ERICH1: variants seen among roughly 807,000 people sequenced by gnomAD.
ERICH1 encodes glutamate-rich protein 1.
A neutral mutation model predicts 39.6 loss-of-function variants in ERICH1; 56 were observed. The observed-to-expected ratio is 1.41, with a 90% CI of 1.14 to 1.77. The LOEUF (loss-of-function observed/expected upper bound fraction) is 1.77, where lower values mean the gene tolerates loss of function less well. Ranked by LOEUF, ERICH1 falls within the 40% of genes most tolerant of loss-of-function variation. The pLI is 0.00. For synonymous variants in ERICH1, 313 were observed against 223.6 expected (o/e 1.40, Z -3.57); for missense variants, 826 against 575.4 (o/e 1.44, Z -4.45).
intron 3 of ERICH1, among the ~76,000 whole-genome samples, chr8:643,940 G>A (rs1430193022): frequency 6.6e-6 from 1 of 152,268 alleles, no homozygotes; most frequent in Non-Finnish European, 1.5e-5. Context: ...GCTCCCAGCA[G>A]GATGCAGCCC....
rs1211671333 is a variant in ERICH1 at position 649,339 on chromosome 8, T to G, written c.976+19259A>C. 1.2e-4 allele frequency among the ~76,000 whole-genome samples: 2 copies of G among 16,934 alleles called. 1 individual carries two copies. The highest frequency in any genetic ancestry group is 6.5e-4 in the Non-Finnish European group (2 of 3,090). The allele number at this position is 16,934 out of a possible 152,430, so 11.1% of individuals were successfully genotyped here. A position where few individuals can be genotyped will look rare whatever the true frequency, so the allele number is the denominator to read the frequency against. ...AATAACACATACCTATTTCTTTGCA[T>G]TTCACCCTGAAAACAACAAGAATAG... On this transcript the variant is annotated intron_variant, in intron 3 of 3. Coordinates refer to the ERICH1 transcript ENST00000522706.
chr8:688,107 C>G (rs1462543018), intron 3 of ERICH1, among the ~76,000 whole-genome samples: 1 of 152,182 alleles, frequency 6.6e-6, no homozygotes, highest in Non-Finnish European at 1.5e-5. Flanking sequence ...TGCAAAAACA[C>G]GGGAGACAGG....
intron 2 of ERICH1, among the ~76,000 whole-genome samples, chr8:715,574 G>GGAAGGCTGGCCCA (rs1171890121): frequency 5.9e-5 from 9 of 152,258 alleles, no homozygotes. Context: ...TCAGAGGACA[G>GGAAGGCTGGCCCA]GAAGGCTGGC....
At chr8:684,051 G>C (rs1253578791) in intron 3 of ERICH1, among the ~76,000 whole-genome samples, 1 of 152,154 alleles carries the variant, frequency 6.6e-6, no homozygotes, top group Non-Finnish European at 1.5e-5. Flanking sequence ...TGGAAAAGTA[G>C]TTAGTGTCTC....
chr8:638,141 A>G (rs1798592075), intron 3 of ERICH1, among the ~76,000 whole-genome samples: 1 of 152,198 alleles, frequency 6.6e-6, no homozygotes, highest in Non-Finnish European at 1.5e-5. Flanking sequence ...CCTGCTGAGG[A>G]AGGGCCCAGC....
At chr8:720,114 C>T (rs1173710798) in intron 1 of ERICH1, among the ~76,000 whole-genome samples, 1 of 152,206 alleles carries the variant, frequency 6.6e-6, no homozygotes, top group Non-Finnish European at 1.5e-5. Context: ...TCATGTCAGT[C>T]CTTGAAAATC....
chr8:641,462 A>T (rs2335876), intron 3 of ERICH1, among the ~76,000 whole-genome samples: 1 of 151,940 alleles, frequency 6.6e-6, no homozygotes, highest in South Asian at 2.1e-4. Context: ...GCAAAGTTAC[A>T]TTGACAGCTT....
chr8:728,334 G>A (rs146188440), intron 1 of ERICH1, among the ~76,000 whole-genome samples: 1 of 152,334 alleles, frequency 6.6e-6, no homozygotes, highest in Non-Finnish European at 1.5e-5. Flanking sequence ...GACAGGCACT[G>A]GGAACCGTCC....
intron 2 of ERICH1, among the ~76,000 whole-genome samples, chr8:714,943 G>A (rs769197905): frequency 6.6e-6 from 1 of 152,276 alleles, no homozygotes; most frequent in East Asian, 1.9e-4. Context: ...ACTCCACCCA[G>A]GTGTTCTCTT....
chr8:679,054 A>G (rs1805500008), intron 3 of ERICH1, among the ~76,000 whole-genome samples: 1 of 141,678 alleles, frequency 7.1e-6, no homozygotes, highest in African/African-American at 2.7e-5. Flanking sequence ...CTCAGCAGTG[A>G]CCTCTCACAG....
chr8:710,498 C>T (rs1411342472), intron 2 of ERICH1, among the ~76,000 whole-genome samples: 3 of 150,982 alleles, frequency 2.0e-5, no homozygotes, highest in Non-Finnish European at 4.4e-5. Context: ...CGGCATCGTA[C>T]GGGGCGGTTT....
At chr8:665,362 T>C (rs1802040794) in intron 5 of ERICH1, among the ~76,000 whole-genome samples, 1 of 152,164 alleles carries the variant, frequency 6.6e-6, no homozygotes, top group African/African-American at 2.4e-5. Flanking sequence ...GGGTGGACAC[T>C]GGCTGCCAGT....
At chr8:706,506 G>C (rs1813305515) in intron 2 of ERICH1, among the ~76,000 whole-genome samples, 1 of 152,206 alleles carries the variant, frequency 6.6e-6, no homozygotes, top group Non-Finnish European at 1.5e-5. Context: ...AGGCGCAGTG[G>C]CTCACGCCTG....
At chr8:691,454 G>A (rs533703643) in intron 3 of ERICH1, among the ~76,000 whole-genome samples, 53 of 152,346 alleles carry the variant, frequency 3.5e-4, no homozygotes, top group African/African-American at 9.4e-4. Context: ...TGGACAACGC[G>A]GTACAACGGG....
chr8:638,859 G>C (rs1798673043), intron 3 of ERICH1, among the ~76,000 whole-genome samples: 3 of 152,144 alleles, frequency 2.0e-5, no homozygotes, highest in Non-Finnish European at 1.5e-5. Flanking sequence ...CGCTGCCCTT[G>C]TGCGCAATCG....
intron 3 of ERICH1, among the ~76,000 whole-genome samples, chr8:685,030 T>C (rs1338837890): frequency 6.6e-6 from 1 of 152,194 alleles, no homozygotes; most frequent in Non-Finnish European, 1.5e-5. Context: ...CCGGTCTGAC[T>C]AGAATTCACC....
Position 673,662 on chromosome 8 carries a change from C to A in ERICH1, c.690G>T (p.Arg230Ser). Residue 230 changes from arginine (R) to serine (S), a missense_variant, in exon 4 of 6, where the codon AGG becomes AGT. Physicochemically the swap from Arg to Ser is moderately radical, Grantham distance 110. Coordinates refer to ENST00000262109, the MANE Select transcript of ERICH1 (RefSeq NM_207332.3). ...LAGEEDVKDT[R>S]EEDGADASEE... is the part of the protein sequence containing the mutation. ...CGCTAGCGTCCGCACCATCTTCCTC[C>A]CTGGTATCTTTAACGTCTTCCTCCC... 2 of 1,612,858 alleles carry A rather than the reference C, an allele frequency of 1.2e-6. No homozygotes were observed. The highest frequency in any genetic ancestry group is 2.2e-5 in the South Asian group (2 of 90,998).
At chr8:726,567 A>C (rs1818730721) in intron 1 of ERICH1, among the ~76,000 whole-genome samples, 1 of 151,876 alleles carries the variant, frequency 6.6e-6, no homozygotes, top group Admixed American at 6.6e-5. Flanking sequence ...GTACACAGGC[A>C]CAAGACACAC....
At chr8:713,393 C>T (rs1276111214) in intron 2 of ERICH1, among the ~76,000 whole-genome samples, 1 of 152,350 alleles carries the variant, frequency 6.6e-6, no homozygotes, top group East Asian at 1.9e-4. Context: ...TCCTACTACA[C>T]TGGGAGCTTG....
Sources: allele counts gnomAD v4.1 joint callset (sites outside exome capture counted in the v4.1 genomes callset), GRCh38; gene constraint gnomAD v4.1.1; transcripts MANE v1.5; gene names NCBI Gene and HGNC (gene_info 2026-07-23, HGNC 2026-07-21).